Variants in PTPRT observed in about 807,000 individuals in gnomAD.
The protein encoded by PTPRT is receptor-type tyrosine-protein phosphatase T.
In PTPRT, 56 loss-of-function variants were observed where a neutral mutation model predicts 176.8. The ratio of observed to expected loss-of-function variants is 0.32; its 90% CI spans 0.26 to 0.40. PTPRT has a LOEUF of 0.40. Among genes scored for constraint, PTPRT ranks in the 10% least tolerant of loss-of-function variants. The pLI is 1.00. For synonymous variants in PTPRT, 783 were observed against 739.0 expected (o/e 1.06, Z -0.96); for missense variants, 1,540 against 1,908.2 (o/e 0.81, Z 3.60).
intron 1 of PTPRT, among the ~76,000 whole-genome samples, chr20:43,122,110 C>G (rs1011981120): frequency 1.3e-5 from 2 of 152,178 alleles, no homozygotes; most frequent in African/African-American, 4.8e-5. Flanking sequence ...GTTCCTGATT[C>G]AGTAGGGCTG....
At chr20:42,359,980 T>C (rs35418651) in intron 9 of PTPRT, among the ~76,000 whole-genome samples, 39,170 of 152,234 alleles carry the variant, frequency 0.26, 5,642 homozygotes, top group Non-Finnish European at 0.32. Context: ...TGGCTTTTGC[T>C]GATTTCCAAT....
intron 2 of PTPRT, among the ~76,000 whole-genome samples, chr20:42,873,353 G>A (rs2078876608): frequency 6.6e-6 from 1 of 152,154 alleles, no homozygotes; most frequent in African/African-American, 2.4e-5. Context: ...AGGGTTTTGT[G>A]AACCATAAAG....
At chr20:42,680,502 G>A (rs62205374) in intron 6 of PTPRT, among the ~76,000 whole-genome samples, 25,245 of 152,164 alleles carry the variant, frequency 0.17, 2,402 homozygotes, top group East Asian at 0.23. Context: ...TGGAACCTTT[G>A]ATTGCCATTA....
intron 7 of PTPRT, among the ~76,000 whole-genome samples, chr20:42,478,640 C>T (rs1452394804): frequency 2.0e-5 from 3 of 152,110 alleles, no homozygotes; most frequent in Non-Finnish European, 4.4e-5. Flanking sequence ...AACAAATCCT[C>T]ATTCAATATT....
chr20:42,576,541 G>A (rs1301111386), intron 7 of PTPRT, among the ~76,000 whole-genome samples: 2 of 152,164 alleles, frequency 1.3e-5, no homozygotes, highest in Non-Finnish European at 2.9e-5. Flanking sequence ...AGAAAATGCT[G>A]TGGCTTGAGT....
At chr20:42,629,268 G>C (rs939499953) in intron 7 of PTPRT, among the ~76,000 whole-genome samples, 2 of 151,678 alleles carry the variant, frequency 1.3e-5, no homozygotes, top group South Asian at 2.1e-4. Flanking sequence ...AAGTAGTTCT[G>C]TCTTCTCCAG....
intron 1 of PTPRT, among the ~76,000 whole-genome samples, chr20:42,908,683 G>T (rs1422605575): frequency 6.6e-6 from 1 of 152,078 alleles, no homozygotes; most frequent in African/African-American, 2.4e-5. Flanking sequence ...AAACTTTAAG[G>T]CTGTGGTCAA....
chr20:42,110,249 A>G (rs1459114753), intron 23 of PTPRT, 84 bp downstream of exon 23: 2 of 1,311,738 alleles, frequency 1.5e-6, no homozygotes, highest in South Asian at 1.6e-5. Flanking sequence ...ACGAGGTTTC[A>G]CCACGTTGGC....
chr20:42,542,618 T>A (rs1235885913), intron 7 of PTPRT, among the ~76,000 whole-genome samples: 1 of 152,200 alleles, frequency 6.6e-6, no homozygotes, highest in South Asian at 2.1e-4. Context: ...AACAAATCTA[T>A]GGAAATTACA....
At chr20:43,188,754 G>GGT (rs1555845654) in intron 1 of PTPRT, among the ~76,000 whole-genome samples, 1 of 150,288 alleles carries the variant, frequency 6.7e-6, no homozygotes, top group Non-Finnish European at 1.5e-5. Flanking sequence ...ACTCTTGGGG[G>GGT]GGGGGGGGCT....
At chr20:42,235,005 C>T (rs1202900045) in intron 15 of PTPRT, among the ~76,000 whole-genome samples, 1 of 152,204 alleles carries the variant, frequency 6.6e-6, no homozygotes, top group African/African-American at 2.4e-5. Context: ...CTAAGCAATA[C>T]ATTTTACCGG....
At chr20:42,743,712 T>G (rs1170183188) in intron 6 of PTPRT, among the ~76,000 whole-genome samples, 3 of 152,098 alleles carry the variant, frequency 2.0e-5, no homozygotes, top group African/African-American at 7.3e-5. Flanking sequence ...TGAGCACATG[T>G]TGTGCAAGGG....
intron 7 of PTPRT, among the ~76,000 whole-genome samples, chr20:42,607,991 T>G (rs574563491): frequency 5.2e-4 from 79 of 152,246 alleles, no homozygotes; most frequent in Middle Eastern, 3.4e-3. Flanking sequence ...TTACAGAGCA[T>G]CTTCATGTGC....
At chr20:42,681,095 G>A (rs915426135) in intron 6 of PTPRT, among the ~76,000 whole-genome samples, 5 of 152,210 alleles carry the variant, frequency 3.3e-5, no homozygotes, top group African/African-American at 4.8e-5. Flanking sequence ...GTGGTTCAAA[G>A]AGAGAGAAGC....
intron 1 of PTPRT, among the ~76,000 whole-genome samples, chr20:42,981,803 T>G (rs1444113759): frequency 1.3e-5 from 2 of 152,242 alleles, no homozygotes; most frequent in Non-Finnish European, 2.9e-5. Context: ...CAGCAAAAAC[T>G]GACACTATCA....
At chr20:43,120,619 A>T (rs1568796991) in intron 1 of PTPRT, among the ~76,000 whole-genome samples, 1 of 152,152 alleles carries the variant, frequency 6.6e-6, no homozygotes, top group Non-Finnish European at 1.5e-5. Context: ...TTGGTTATCT[A>T]CTTCTGTACT....
At chr20:42,362,000 A>T (rs1350923457) in intron 9 of PTPRT, among the ~76,000 whole-genome samples, 1 of 152,268 alleles carries the variant, frequency 6.6e-6, no homozygotes, top group African/African-American at 2.4e-5. Context: ...CTTAACAAAT[A>T]CATGCTACAT....
chr20:42,600,957 G>C (rs1014105379), intron 7 of PTPRT, among the ~76,000 whole-genome samples: 7 of 152,002 alleles, frequency 4.6e-5, no homozygotes, highest in African/African-American at 1.7e-4. Flanking sequence ...CTTTCTAACA[G>C]GGTGGGTTTG....
chr20:42,366,071 G>T (rs1234086055), intron 9 of PTPRT, among the ~76,000 whole-genome samples: 1 of 152,332 alleles, frequency 6.6e-6, no homozygotes, highest in East Asian at 1.9e-4. Flanking sequence ...CCCTCACAGG[G>T]TAACCAGGGG....
Sources: allele counts gnomAD v4.1 joint callset (sites outside exome capture counted in the v4.1 genomes callset), GRCh38; gene constraint gnomAD v4.1.1; transcripts MANE v1.5; gene names NCBI Gene and HGNC (gene_info 2026-07-23, HGNC 2026-07-21).